Variants in PI16 observed in about 807,000 individuals in gnomAD.
PI16 encodes the protein peptidase inhibitor 16.
In PI16, 35 loss-of-function variants were observed where a neutral mutation model predicts 38.0. The observed-to-expected ratio is 0.92, with a 90% CI of 0.70 to 1.22. The LOEUF (loss-of-function observed/expected upper bound fraction) is 1.22, where lower values mean the gene tolerates loss of function less well. PI16 is among the 50% of genes most tolerant of loss of function. PI16 has a pLI of 0.00. For missense variants in PI16, 572 were observed against 593.8 expected (o/e 0.96, Z 0.38); for synonymous variants, 275 against 252.9 (o/e 1.09, Z -0.83).
chr6:36,963,201 G>A lies in PI16; in HGVS notation c.859G>A (p.Glu287Lys), dbSNP rs771155764. 4 of 1,614,214 alleles carry A rather than the reference G, an allele frequency of 2.5e-6. No homozygotes were observed. Among genetic ancestry groups the A allele is most frequent in the Admixed American group, 3.3e-5 (2 of 60,024 alleles). The change falls in exon 5 of 7, where the codon GAG (glutamate) becomes AAG (lysine). Residue 287 changes from glutamate to lysine, a missense_variant. Glu to Lys is a moderately conservative substitution (Grantham distance 56). Transcript: ENST00000373674. Reference sequence around the variant, plus strand: ...AGAGGCTCCACCTTGCGTAACAACTGAGGTCCCTTCCATTTTGGCAGCTCA... The same window carrying A: ...AGAGGCTCCACCTTGCGTAACAACTAAGGTCCCTTCCATTTTGGCAGCTCA... ...ATEAPPCVTTEVPSILAAHSL... is the reference protein window; with the variant it reads ...ATEAPPCVTTKVPSILAAHSL...
chr6:36,952,165 T>C (rs1308817910), upstream of PI16, among the ~76,000 whole-genome samples: 1 of 152,042 alleles, frequency 6.6e-6, no homozygotes, highest in Non-Finnish European at 1.5e-5. Context: ...AGCTAATTTT[T>C]GTATTTTTAG....
rs920535295 is a variant in PI16, at chr6:36,959,881, A to C, written c.393+515A>C. On this transcript the variant is annotated intron_variant, in intron 2 of 6. Transcript: ENST00000373674. ...AGGCCCTGTCTCAAAAAAAAAAAAAAAAAATTAAATAAATAAATAAATAAA... is the reference window on the plus strand; with the variant it reads ...AGGCCCTGTCTCAAAAAAAAAAAAACAAAATTAAATAAATAAATAAATAAA... 2.6e-4 allele frequency among the ~76,000 whole-genome samples: 40 copies of C among 151,390 alleles called. No individual in the cohort carries two copies. In the East Asian group the frequency reaches 7.5e-3, roughly 29 times the overall value.
Position 36,962,097 on chromosome 6 carries a change from G to C in PI16, c.592+123G>C. On this transcript the variant is annotated intron_variant, in intron 4 of 6. Transcript: ENST00000373674. This position sits in a 1 kb window ranked among gnomAD's most constrained non-coding sequence, Gnocchi z 4.1. ...GCAGGGAAGGAGCCTGGTGGGATGCGACCACCGGGGGCCCCTGGCGGCTCC... is the reference window on the plus strand; with the variant it reads ...GCAGGGAAGGAGCCTGGTGGGATGCCACCACCGGGGGCCCCTGGCGGCTCC... 2.8e-6 allele frequency: 2 copies of C among 710,712 alleles called. No individual in the cohort carries two copies. The highest frequency in any genetic ancestry group is 3.6e-5 in the South Asian group (2 of 54,894). The allele number at this position is 710,712 out of a possible 1,614,324, so 44.0% of individuals were successfully genotyped here. A position where few individuals can be genotyped will look rare whatever the true frequency, so the allele number is the denominator to read the frequency against.
At chr6:36,958,912 G>A (rs2150736452) in intron 1 of PI16, among the ~76,000 whole-genome samples, 1 of 152,276 alleles carries the variant, frequency 6.6e-6, no homozygotes, top group Admixed American at 6.5e-5. Flanking sequence ...GGAAAGTTTA[G>A]ACAATCCGTG....
At chr6:36,963,989 C>A in intron 6 of PI16, 27 bp downstream of exon 6, 1 of 1,585,942 alleles carries the variant, frequency 6.3e-7, no homozygotes. Context: ...GGGGCCCTGG[C>A]CTCATACCCA....
chr6:36,961,061 G>T (rs1763349830), intron 2 of PI16, among the ~76,000 whole-genome samples: 1 of 152,118 alleles, frequency 6.6e-6, no homozygotes, highest in Admixed American at 6.5e-5. Flanking sequence ...TGTTGCTGAG[G>T]TCTAAAATTC....
At position 36,961,950 on chromosome 6, in the gene PI16, T is replaced by TA; in HGVS notation, c.569dup (p.Tyr190Ter). The change falls in exon 4 of 7, where the codon TAC becomes TAAC. Residue 190 changes from tyrosine (Y) to a stop codon, truncating the protein, a stop_gained and frameshift_variant. Transcript: ENST00000373674. LOFTEE classifies it high-confidence loss of function. ...GTPCSQCPSG[Y>*]HCKNSLCEPI... ...TCCGTGCTCCCAATGTCCCTCTGGC[T>TA]ACCACTGCAAGAACTCCCTCTGTGG... 6.2e-7 allele frequency: 1 copy of TA among 1,614,140 alleles called. No individual in the cohort carries two copies. Among genetic ancestry groups the TA allele is most frequent in the Admixed American group, 1.7e-5 (1 of 60,028 alleles).
intron 2 of PI16, among the ~76,000 whole-genome samples, 200 bp downstream of exon 2, chr6:36,959,566 G>A (rs920488113): frequency 2.0e-5 from 3 of 152,212 alleles, no homozygotes; most frequent in Non-Finnish European, 4.4e-5. Context: ...AGACTCTGAC[G>A]GAGTCGGCTG....
intron 1 of PI16, among the ~76,000 whole-genome samples, chr6:36,955,297 T>A (rs1383736502): frequency 6.6e-6 from 1 of 152,132 alleles, no homozygotes; most frequent in African/African-American, 2.4e-5. Flanking sequence ...GCATGTGCCC[T>A]CAGTGGGGGA....
chr6:36,961,607 G>A, intron 3 of PI16, 47 bp downstream of exon 3: 1 of 1,562,098 alleles, frequency 6.4e-7, no homozygotes. Flanking sequence ...GAAGGCACAG[G>A]CAGAGCCAAG....
chr6:36,958,703 A>AG (rs1466174160), intron 1 of PI16, among the ~76,000 whole-genome samples: 2 of 151,968 alleles, frequency 1.3e-5, no homozygotes, highest in Non-Finnish European at 2.9e-5. Context: ...TTCATGGTTG[A>AG]GGGGTAGGGA....
At chr6:36,949,670 G>T (rs1583226314) in intron 1 of PI16, among the ~76,000 whole-genome samples, 1 of 151,998 alleles carries the variant, frequency 6.6e-6, no homozygotes, top group African/African-American at 2.4e-5. Flanking sequence ...TCCACATCTT[G>T]TTCCCCTCTA....
chr6:36,964,285 A>C, intron 6 of PI16, 101 bp from the exon 7 acceptor site: 1 of 207,122 alleles, frequency 4.8e-6, no homozygotes, highest in Non-Finnish European at 9.6e-6. Context: ...AGAGGATCTC[A>C]GGCTTCCCAG....
In PI16 at chr6:36,959,188, G is replaced by T. The variant is rs762101801; in HGVS notation, c.215G>T (p.Arg72Leu). The T allele has an allele frequency of 2.2e-5, 36 of 1,611,050 alleles. No homozygotes were observed. The highest frequency in any genetic ancestry group is 5.0e-5 in the Admixed American group (3 of 59,732). Residue 72 changes from arginine to leucine, a missense_variant, in exon 2 of 7, where the codon CGG (arginine) becomes CTG (leucine). Physicochemically the swap from Arg to Leu is moderately radical, Grantham distance 102 (BLOSUM62 -2). Coordinates refer to ENST00000373674, the MANE Select transcript of PI16 (RefSeq NM_153370.3). ...ELAAFAKAYA[R>L]QCVWGHNKER... ...GCCGCCTTCGCCAAGGCCTACGCAC[G>T]GCAGTGCGTGTGGGGCCACAACAAG...
chr6:36,949,112 C>CTT (rs1763061230), intron 1 of PI16, among the ~76,000 whole-genome samples: 1 of 149,408 alleles, frequency 6.7e-6, no homozygotes, highest in Admixed American at 6.7e-5. Context: ...TCTCTCCTCT[C>CTT]TTCTCTCTCT....
Position 36,960,655 on chromosome 6 carries a change from CT to C in PI16, c.394-795del, listed in dbSNP as rs1763339015. Among the ~76,000 whole-genome samples, 3 of 146,210 alleles carry C rather than the reference CT, an allele frequency of 2.1e-5. No homozygotes were observed. The East Asian group carries it at 6.1e-4, about 30-fold the overall frequency. On this transcript the variant is annotated intron_variant, in intron 2 of 6. Coordinates refer to ENST00000373674, the MANE Select transcript of PI16 (RefSeq NM_153370.3). ...CCCTCTCCCTCCACCCCCCCCCTCC[CT>C]CTACCCCCACCCACTTGCTCCTGCA...
intron 1 of PI16, among the ~76,000 whole-genome samples, chr6:36,948,657 C>A (rs1314752574): frequency 3.1e-5 from 1 of 32,530 alleles, no homozygotes; most frequent in Non-Finnish European, 5.8e-5. Context: ...TCCCTCCCTC[C>A]TTCCCTCCTT....
chr6:36,963,419 T>G lies in PI16; in HGVS notation c.1077T>G (p.Ala359=). The change falls in exon 5 of 7, where the codon GCT becomes GCG. Residue 359 remains alanine (A), a synonymous_variant. Coordinates refer to ENST00000373674, the MANE Select transcript of PI16 (RefSeq NM_153370.3). ...LLPHAQEEAE[A]EAELPPSSEV... is the part of the protein sequence containing the mutation. Reference sequence around the variant, plus strand: ...CCCATGCCCAGGAGGAGGCTGAGGCTGAGGCTGAGTTGCCTCCTTCCAGTG... The same window carrying G: ...CCCATGCCCAGGAGGAGGCTGAGGCGGAGGCTGAGTTGCCTCCTTCCAGTG... The G allele has an allele frequency of 6.2e-7, 1 of 1,614,196 alleles. No homozygotes were observed. Among genetic ancestry groups the G allele is most frequent in the Non-Finnish European group, 8.5e-7 (1 of 1,180,020 alleles).
chr6:36,952,000 G>GT (rs1763108244), upstream of PI16, among the ~76,000 whole-genome samples: 1 of 146,610 alleles, frequency 6.8e-6, no homozygotes, highest in African/African-American at 2.6e-5. Flanking sequence ...GGGAAATTGT[G>GT]TCTTTTTTTT....
Sources: allele counts gnomAD v4.1 joint callset (sites outside exome capture counted in the v4.1 genomes callset), GRCh38; gene constraint gnomAD v4.1.1; non-coding constraint Gnocchi (gnomAD v3.1); transcripts MANE v1.5; gene names NCBI Gene and HGNC (gene_info 2026-07-23, HGNC 2026-07-21).